MYOM3: variants seen among roughly 807,000 people sequenced by gnomAD.
MYOM3 encodes myomesin-3.
In MYOM3, 155 loss-of-function variants were observed where a neutral mutation model predicts 191.7. The observed-to-expected ratio is 0.81, with a 90% CI of 0.71 to 0.92. The LOEUF (loss-of-function observed/expected upper bound fraction) is 0.92. MYOM3 is among the 40% of genes least tolerant of loss of function. The pLI is 0.00. For missense variants in MYOM3, 1,889 were observed against 1,890.6 expected (o/e 1.00, Z 0.02); for synonymous variants, 757 against 762.9 (o/e 0.99, Z 0.13).
chr1:24,071,257 G>A lies in MYOM3; in HGVS notation c.3014-4C>T, dbSNP rs1341742178. 6.2e-7 allele frequency: 1 copy of A among 1,610,292 alleles called. No individual in the cohort carries two copies. Among genetic ancestry groups the A allele is most frequent in the African/African-American group, 1.3e-5 (1 of 74,976 alleles). ...CAGCCGGAGATCAGTTTGATCACTGGGAGGCGCAGGACGGGAAGGGGGTGG... is the reference window on the plus strand; with the variant it reads ...CAGCCGGAGATCAGTTTGATCACTGAGAGGCGCAGGACGGGAAGGGGGTGG... On this transcript the variant is annotated splice_polypyrimidine_tract_variant and splice_region_variant and intron_variant, in intron 24 of 36. Coordinates refer to ENST00000374434, the MANE Select transcript of MYOM3 (RefSeq NM_152372.4).
At chr1:24,077,918 C>A (rs1643621665) in intron 20 of MYOM3, among the ~76,000 whole-genome samples, 1 of 152,152 alleles carries the variant, frequency 6.6e-6, no homozygotes, top group African/African-American at 2.4e-5. Flanking sequence ...GCTTGTCTTC[C>A]CTGATTCTGT....
chr1:24,105,967 G>A lies in MYOM3; in HGVS notation c.513C>T (p.Val171=). The A allele has an allele frequency of 6.2e-7, 1 of 1,613,956 alleles. No individual in the cohort carries two copies. ...AGGCCTGGACAGTGCAGGTCAGCAG[G>A]ACCGTGGTGTGCTCCCAGACGGCGT... ...RSHAVWEHTT[V]LLTCTVQASP... is the part of the protein sequence containing the mutation. Residue 171 remains valine, a synonymous_variant, in exon 5 of 37, where the codon GTC becomes GTT. Coordinates refer to ENST00000374434, the MANE Select transcript of MYOM3 (RefSeq NM_152372.4).
chr1:24,101,025 A>G (rs946237895), intron 5 of MYOM3, among the ~76,000 whole-genome samples: 9 of 152,152 alleles, frequency 5.9e-5, no homozygotes, highest in African/African-American at 1.7e-4. Context: ...CACCCAATAT[A>G]TGACGGATCT....
At chr1:24,091,094 C>T (rs1643816674) in intron 11 of MYOM3, 98 bp from the exon 12 acceptor site, 1 of 1,334,926 alleles carries the variant, frequency 7.5e-7, no homozygotes, top group South Asian at 1.4e-5. Flanking sequence ...GGGGAGCCTG[C>T]CCAGCTCATC....
At chr1:24,109,941 GC>G (rs760071996) in intron 1 of MYOM3, among the ~76,000 whole-genome samples, 1 of 152,264 alleles carries the variant, frequency 6.6e-6, no homozygotes, top group Non-Finnish European at 1.5e-5. Context: ...TCAAGTCTAG[GC>G]CCGTGATGGC....
At chr1:24,067,924 C>T (rs758985216) in intron 27 of MYOM3, 46 bp downstream of exon 27, 17 of 1,590,304 alleles carry the variant, frequency 1.1e-5, no homozygotes, top group Middle Eastern at 1.7e-4. Flanking sequence ...ATCTCTAGCA[C>T]GAACCAGTGG....
chr1:24,092,449 G>A lies in MYOM3; in HGVS notation c.1091-134C>T, dbSNP rs1356453701. The A allele has an allele frequency of 7.2e-6, 5 of 698,132 alleles. No individual in the cohort carries two copies. The East Asian group carries it at 1.3e-4, about 19-fold the overall frequency. The allele number at this position is 698,132 out of a possible 1,614,324, so 43.2% of individuals were successfully genotyped here. ...GTTTTGATCTTGAGGACTGGGGCCTGAATATTAGTCCCACTACCCCCATAG... is the reference window on the plus strand; with the variant it reads ...GTTTTGATCTTGAGGACTGGGGCCTAAATATTAGTCCCACTACCCCCATAG... On this transcript the variant is annotated intron_variant, in intron 10 of 36. Transcript: ENST00000374434.
At chr1:24,086,159 A>C (rs1190702308) in intron 15 of MYOM3, among the ~76,000 whole-genome samples, 1 of 152,170 alleles carries the variant, frequency 6.6e-6, no homozygotes, top group Non-Finnish European at 1.5e-5. Flanking sequence ...TGGGTTTGCC[A>C]GTTGAGGACA....
intron 21 of MYOM3, among the ~76,000 whole-genome samples, chr1:24,075,745 G>A (rs370803679): frequency 2.6e-5 from 4 of 152,026 alleles, no homozygotes; most frequent in South Asian, 2.1e-4. Flanking sequence ...ATCTTAAATC[G>A]CTTTCCTCAT....
chr1:24,059,702 A>G (rs1460263832), intron 35 of MYOM3, among the ~76,000 whole-genome samples: 1 of 152,196 alleles, frequency 6.6e-6, no homozygotes, highest in Non-Finnish European at 1.5e-5. Flanking sequence ...GAAAAAACAG[A>G]AGCTTTTGGG....
At chr1:24,081,871 G>T (rs981920096) in intron 18 of MYOM3, 130 bp downstream of exon 18, 2 of 917,420 alleles carry the variant, frequency 2.2e-6, no homozygotes, top group Non-Finnish European at 3.3e-6. Flanking sequence ...ACTGGAAAAT[G>T]ATCTCGATGG....
intron 15 of MYOM3, 112 bp from the exon 16 acceptor site, chr1:24,084,751 G>T: frequency 1.0e-6 from 1 of 999,794 alleles, no homozygotes; most frequent in Non-Finnish European, 1.5e-6. Context: ...CAGCAATCAA[G>T]GTGCATGAAT....
intron 20 of MYOM3, among the ~76,000 whole-genome samples, chr1:24,079,325 C>T (rs573312501): frequency 9.2e-5 from 14 of 151,946 alleles, no homozygotes; most frequent in South Asian, 2.1e-4. Flanking sequence ...TTCAGCCTCC[C>T]GAGTAGCTGG....
Position 24,062,121 on chromosome 1 carries a change from G to T in MYOM3, c.3771-12C>A, listed in dbSNP as rs900710173. The T allele has an allele frequency of 1.5e-5, 25 of 1,613,410 alleles. No individual in the cohort carries two copies. Among genetic ancestry groups the T allele is most frequent in the Non-Finnish European group, 2.0e-5 (24 of 1,179,750 alleles). On this transcript the variant is annotated splice_polypyrimidine_tract_variant and intron_variant, in intron 32 of 36. Coordinates refer to ENST00000374434, the MANE Select transcript of MYOM3 (RefSeq NM_152372.4). ...CCAGACGTTTGTCTCTGAATGTGAG[G>T]GTGGAGAAATGGTTAAGGCTGCCTG...
chr1:24,063,237 G>A lies in MYOM3; in HGVS notation c.3662-3C>T. The A allele has an allele frequency of 6.2e-7, 1 of 1,604,026 alleles. No individual in the cohort carries two copies. On this transcript the variant is annotated splice_polypyrimidine_tract_variant and splice_region_variant and intron_variant, in intron 31 of 36. Coordinates refer to ENST00000374434, the MANE Select transcript of MYOM3 (RefSeq NM_152372.4). The surrounding 1 kb of genome is among the most constrained non-coding windows in gnomAD (Gnocchi z 4.5). ...TTTCAGTGGAGTTGCAGAGAGGGCT[G>A]GGGAGACAGAGGAGAAGGATGAATC...
At chr1:24,106,735 A>AT (rs1643986169) in intron 4 of MYOM3, among the ~76,000 whole-genome samples, 1 of 151,922 alleles carries the variant, frequency 6.6e-6, no homozygotes, top group Non-Finnish European at 1.5e-5. Context: ...GGCCCAGGTA[A>AT]TTTTTGTATT....
At chr1:24,104,545 G>A (rs1643966677) in intron 5 of MYOM3, among the ~76,000 whole-genome samples, 2 of 151,920 alleles carry the variant, frequency 1.3e-5, no homozygotes, top group Admixed American at 1.3e-4. Context: ...GCACAATCTC[G>A]GCTCACTGCA....
chr1:24,065,570 G>A (rs1052421742), intron 29 of MYOM3, among the ~76,000 whole-genome samples: 38 of 152,166 alleles, frequency 2.5e-4, no homozygotes, highest in African/African-American at 7.7e-4. Flanking sequence ...AGAGCGACGG[G>A]GGCTAGCCCA....
chr1:24,106,929 C>T (rs777814891), intron 4 of MYOM3, 144 bp downstream of exon 4: 2 of 792,218 alleles, frequency 2.5e-6, no homozygotes, highest in Admixed American at 3.1e-5. Flanking sequence ...CGGGGTCACA[C>T]CACTGGAATG....
Sources: gnomAD v4.1 joint callset for allele counts (sites outside exome capture counted in the v4.1 genomes callset) on GRCh38, gnomAD v4.1.1 for gene constraint, Gnocchi (gnomAD v3.1) non-coding constraint, MANE v1.5 for transcripts, NCBI Gene and HGNC (gene_info 2026-07-23, HGNC 2026-07-21) for gene names.